The following MYO16 variants were observed in gnomAD, a reference collection of about 807,000 sequenced individuals.
MYO16 encodes unconventional myosin-XVI.
A neutral mutation model predicts 205.3 loss-of-function variants in MYO16; 94 were observed. The observed-to-expected ratio is 0.46, with a 90% CI of 0.39 to 0.54. MYO16 has a LOEUF of 0.54. Among genes scored for constraint, MYO16 ranks in the 20% least tolerant of loss-of-function variants. MYO16 has a pLI of 0.00. For missense variants in MYO16, 2,315 were observed against 2,387.5 expected (o/e 0.97, Z 0.63); for synonymous variants, 988 against 954.0 (o/e 1.04, Z -0.66).
At chr13:108,636,361 T>C (rs1453561252) in intron 1 of MYO16, among the ~76,000 whole-genome samples, 1 of 95,432 alleles carries the variant, frequency 1.0e-5, no homozygotes. Context: ...TTTTTTTTTT[T>C]TTTTTTTTTG....
chr13:108,559,945 A>T, the MYO16 span, among the ~76,000 whole-genome samples: 2 of 152,176 alleles, frequency 1.3e-5, no homozygotes, highest in Non-Finnish European at 2.9e-5. Context: ...CTATGACCAG[A>T]TATTCAACCT....
intron 31 of MYO16, among the ~76,000 whole-genome samples, chr13:109,133,515 T>TG (rs1168435156): frequency 6.6e-5 from 10 of 152,190 alleles, no homozygotes; most frequent in Admixed American, 4.6e-4. Context: ...GAGAAAATGT[T>TG]GATCTCCTAA....
chr13:109,054,674 A>G (rs1481476797), intron 25 of MYO16, among the ~76,000 whole-genome samples: 1 of 152,120 alleles, frequency 6.6e-6, no homozygotes, highest in African/African-American at 2.4e-5. Flanking sequence ...GTTGGCAGTA[A>G]CAGTTGTTAT....
chr13:108,990,221 T>C (rs1884783599), intron 20 of MYO16, among the ~76,000 whole-genome samples: 1 of 151,636 alleles, frequency 6.6e-6, no homozygotes, highest in African/African-American at 2.4e-5. Context: ...AGCCTCAGCA[T>C]CATTGTTAGC....
intron 33 of MYO16, among the ~76,000 whole-genome samples, chr13:109,169,797 A>C (rs769693562): frequency 3.3e-5 from 5 of 152,232 alleles, no homozygotes; most frequent in Non-Finnish European, 7.3e-5. Flanking sequence ...AAATAACTCC[A>C]ATGTCACGTA....
At chr13:108,778,555 G>T (rs888005705) in intron 4 of MYO16, among the ~76,000 whole-genome samples, 1 of 152,156 alleles carries the variant, frequency 6.6e-6, no homozygotes, top group Non-Finnish European at 1.5e-5. Context: ...GGAGGCGAAG[G>T]TTGCAATCAG....
At chr13:109,130,284 C>T (rs972991072) in intron 31 of MYO16, among the ~76,000 whole-genome samples, 4 of 152,134 alleles carry the variant, frequency 2.6e-5, no homozygotes, top group East Asian at 1.9e-4. Context: ...TCCACTGTGT[C>T]GCACCCTGGT....
At chr13:108,850,523 G>A (rs1877801624) in intron 10 of MYO16, among the ~76,000 whole-genome samples, 2 of 152,140 alleles carry the variant, frequency 1.3e-5, no homozygotes, top group Non-Finnish European at 2.9e-5. Context: ...ATTTTGGAGA[G>A]GACAGGCAAT....
intron 4 of MYO16, among the ~76,000 whole-genome samples, chr13:108,776,677 A>G (rs1319676834): frequency 6.6e-6 from 1 of 152,160 alleles, no homozygotes; most frequent in Non-Finnish European, 1.5e-5. Flanking sequence ...CACACTGGCC[A>G]TTTTGCAGGT....
At chr13:109,180,770 T>C (rs550511559) in intron 34 of MYO16, among the ~76,000 whole-genome samples, 3 of 152,346 alleles carry the variant, frequency 2.0e-5, no homozygotes, top group Non-Finnish European at 2.9e-5. Context: ...AAATGCTGAT[T>C]GGTTGCAATA....
At chr13:108,766,661 C>T (rs1002110207) in intron 4 of MYO16, among the ~76,000 whole-genome samples, 4 of 152,192 alleles carry the variant, frequency 2.6e-5, no homozygotes, top group Admixed American at 2.6e-4. Context: ...AGATGTGCGT[C>T]TGTTATTACT....
rs372965026 is a variant in MYO16 at position 109,116,272 on chromosome 13, G to T, written c.3439-4098G>T. On this transcript the variant is annotated intron_variant, in intron 28 of 34. Coordinates refer to ENST00000457511, the MANE Select transcript of MYO16 (RefSeq NM_001198950.3). ...CCAACCTCCACCGAGTGAATCCGAA[G>T]CCCAGAAGCCCCTCATACCTTACAA... Among the ~76,000 whole-genome samples the T allele has an allele frequency of 1.8e-4, 27 of 152,250 alleles. No individual in the cohort carries two copies. In the East Asian group the frequency reaches 2.7e-3, roughly 15 times the overall value.
chr13:109,127,505 G>C lies in MYO16; in HGVS notation c.4006G>C (p.Ala1336Pro). The change falls in exon 31 of 35, where the codon GCT becomes CCT. Residue 1336 changes from alanine (A) to proline (P), a missense_variant. Ala to Pro is a conservative substitution (Grantham distance 27). Coordinates refer to ENST00000457511, the MANE Select transcript of MYO16 (RefSeq NM_001198950.3). This position sits in a 1 kb window ranked among gnomAD's most constrained non-coding sequence, Gnocchi z 4.2. ...PNTRLSASYE[A>P]VSACLSAARE... is the part of the protein sequence containing the mutation. ...CACCCGGCTGAGTGCTTCCTATGAG[G>C]CTGTGAGCGCCTGCCTCTCCGCGGC... 1 of 1,613,024 alleles carries C rather than the reference G, an allele frequency of 6.2e-7. No individual in the cohort carries two copies. The highest frequency in any genetic ancestry group is 8.5e-7 in the Non-Finnish European group (1 of 1,179,890).
chr13:108,559,420 C>T, the MYO16 span, among the ~76,000 whole-genome samples: 73 of 150,360 alleles, frequency 4.9e-4, no homozygotes, highest in Non-Finnish European at 7.3e-4. Context: ...TACATTTCTG[C>T]GTTTTAAGCG....
chr13:108,706,297 C>A (rs993108765), intron 2 of MYO16, among the ~76,000 whole-genome samples: 3 of 151,956 alleles, frequency 2.0e-5, no homozygotes, highest in Admixed American at 2.0e-4. Context: ...TGTGGCAGGG[C>A]AGTAGAAAAT....
rs7986595 is a variant in MYO16 at position 109,141,372 on chromosome 13, A to G, written c.5160A>G (p.Ala1720=). 6.6e-6 allele frequency: 10 copies of G among 1,521,334 alleles called. No individual in the cohort carries two copies. The highest frequency in any genetic ancestry group is 6.4e-5 in the South Asian group (5 of 77,630). 94.2% of individuals were successfully genotyped at this position (1,521,334 alleles called of 1,614,324 possible). The part of the protein sequence containing the change: ...KSAAGRKIRE[A]EGFETNMNIS... ...CGGCGGGAAGAAAAATCAGGGAAGC[A>G]GAAGGTAAGCGGAGCAGACATCCCC... Residue 1720 remains alanine (A), a synonymous_variant, in exon 32 of 35, where the codon GCA becomes GCG. Coordinates refer to ENST00000457511, the MANE Select transcript of MYO16 (RefSeq NM_001198950.3). The surrounding 1 kb of genome is among the most constrained non-coding windows in gnomAD (Gnocchi z 4.1).
At chr13:108,885,091 G>A (rs368658094) in intron 13 of MYO16, among the ~76,000 whole-genome samples, 1 of 152,260 alleles carries the variant, frequency 6.6e-6, no homozygotes, top group Non-Finnish European at 1.5e-5. Context: ...TAGACTCAAG[G>A]ATGAGAAAGG....
chr13:109,191,019 G>A (rs368887022), intron 34 of MYO16, among the ~76,000 whole-genome samples: 1 of 152,004 alleles, frequency 6.6e-6, no homozygotes, highest in African/African-American at 2.4e-5. Context: ...AAGAGTTCGA[G>A]ACAAGCCTAG....
At chr13:108,798,688 A>ATTTTTTTTTTTTT (rs35432777) in intron 6 of MYO16, among the ~76,000 whole-genome samples, 2 of 70,350 alleles carry the variant, frequency 2.8e-5, no homozygotes, top group African/African-American at 6.0e-5. Flanking sequence ...CCCGAGGCTT[A>ATTTTTTTTTTTTT]TTTTTTTTTT....
Sources: allele counts gnomAD v4.1 joint callset (sites outside exome capture counted in the v4.1 genomes callset), GRCh38; gene constraint gnomAD v4.1.1; non-coding constraint Gnocchi (gnomAD v3.1); transcripts MANE v1.5; gene names NCBI Gene and HGNC (gene_info 2026-07-23, HGNC 2026-07-21).